Variants in MAST4 observed in about 807,000 individuals in gnomAD.
The protein encoded by MAST4 is microtubule associated serine/threonine kinase family member 4.
A neutral mutation model predicts 162.7 loss-of-function variants in MAST4; 89 were observed. That is an observed-to-expected ratio of 0.55 (90% confidence interval 0.46 to 0.65). MAST4 has a LOEUF of 0.65. MAST4 is among the 30% of genes least tolerant of loss of function. The probability of loss-of-function intolerance (pLI) is 0.00; values close to 1 mark genes in which losing one functional copy is unlikely to be tolerated. For missense variants in MAST4, 3,153 were observed against 3,374.0 expected (o/e 0.93, Z 1.62); for synonymous variants, 1,479 against 1,361.1 (o/e 1.09, Z -1.91).
intron 4 of MAST4, among the ~76,000 whole-genome samples, chr5:66,904,872 G>C (rs1000950022): frequency 6.6e-6 from 1 of 151,996 alleles, no homozygotes; most frequent in South Asian, 2.1e-4. Flanking sequence ...TGACACCCAG[G>C]TAGTGAGTGA....
chr5:66,614,489 G>A (rs1044166737), intron 1 of MAST4, among the ~76,000 whole-genome samples: 9 of 152,104 alleles, frequency 5.9e-5, no homozygotes, highest in Admixed American at 3.9e-4. Flanking sequence ...GGAGTTTATT[G>A]GCCCTTATTG....
chr5:67,079,923 C>T (rs1762406161), intron 5 of MAST4, among the ~76,000 whole-genome samples: 1 of 152,182 alleles, frequency 6.6e-6, no homozygotes, highest in South Asian at 2.1e-4. Flanking sequence ...CTGATTCAGC[C>T]TTCTTTCTGC....
chr5:66,679,197 G>C (rs993656259), intron 1 of MAST4, among the ~76,000 whole-genome samples: 1 of 152,226 alleles, frequency 6.6e-6, no homozygotes, highest in African/African-American at 2.4e-5. Context: ...TGTGAGCCTG[G>C]AGGCAGAGGG....
intron 1 of MAST4, among the ~76,000 whole-genome samples, chr5:66,650,367 C>T (rs765812884): frequency 7.2e-5 from 11 of 152,074 alleles, no homozygotes; most frequent in Non-Finnish European, 1.6e-4. Flanking sequence ...AAGATACAGC[C>T]TGATTTGTAG....
At chr5:66,609,412 G>A (rs1259090063) in intron 1 of MAST4, among the ~76,000 whole-genome samples, 5 of 108,918 alleles carry the variant, frequency 4.6e-5, no homozygotes, top group African/African-American at 1.6e-4. Context: ...TTTTTTTTGA[G>A]ACAGCCTGGC....
At chr5:66,758,901 C>T (rs1044848541) in intron 1 of MAST4, among the ~76,000 whole-genome samples, 1 of 151,818 alleles carries the variant, frequency 6.6e-6, no homozygotes, top group Non-Finnish European at 1.5e-5. Context: ...AATTTTTGTC[C>T]TTTGCAGCTG....
At chr5:66,751,732 C>T (rs1180099296) in intron 1 of MAST4, among the ~76,000 whole-genome samples, 2 of 150,658 alleles carry the variant, frequency 1.3e-5, no homozygotes, top group Admixed American at 6.6e-5. Flanking sequence ...AGGATATTAT[C>T]CAGGAGAACT....
chr5:67,008,645 A>G (rs570916113), intron 4 of MAST4, among the ~76,000 whole-genome samples: 2 of 152,366 alleles, frequency 1.3e-5, no homozygotes, highest in African/African-American at 4.8e-5. Context: ...GCCTAAATCA[A>G]TAAAACCATT....
rs548769801 is a variant in MAST4, at chr5:67,022,272, C to T, written c.675-32132C>T. Among the ~76,000 whole-genome samples the T allele has an allele frequency of 1.1e-4, 17 of 152,224 alleles. No homozygotes were observed. The East Asian group carries it at 2.7e-3, about 24-fold the overall frequency. Reference sequence around the variant, plus strand: ...AATAGAGATTTCTATGCCAAAGTGACGTGAACATGTTTATGAATCTTAATA... The same window carrying T: ...AATAGAGATTTCTATGCCAAAGTGATGTGAACATGTTTATGAATCTTAATA... On this transcript the variant is annotated intron_variant, in intron 4 of 28. Coordinates refer to ENST00000403625, the MANE Select transcript of MAST4 (RefSeq NM_001164664.2).
In MAST4 at chr5:66,752,791, G is replaced by A. The variant is rs867389904; in HGVS notation, c.364-6918G>A. 9.6e-3 allele frequency among the ~76,000 whole-genome samples: 1,439 copies of A among 149,800 alleles called. 10 individuals carry two copies. The highest frequency in any genetic ancestry group is 0.021 in the African/African-American group (873 of 40,822). ...AATTGAACTCAGCTCTGCACCAAGC[G>A]GACCTAATAGACATCTACAGAACTC... On this transcript the variant is annotated intron_variant, in intron 1 of 28. Transcript: ENST00000403625.
intron 1 of MAST4, among the ~76,000 whole-genome samples, chr5:66,604,848 T>G (rs1479828922): frequency 6.6e-6 from 1 of 152,206 alleles, no homozygotes; most frequent in East Asian, 1.9e-4. Flanking sequence ...GCCTCATCAG[T>G]GGTAGGGAAA....
intron 14 of MAST4, among the ~76,000 whole-genome samples, chr5:67,128,307 G>A (rs1169076743): frequency 6.6e-6 from 1 of 152,166 alleles, no homozygotes; most frequent in Non-Finnish European, 1.5e-5. Context: ...ATCCTGAAGA[G>A]TACCACCAGT....
At chr5:67,054,513 G>C (rs778583036) in intron 5 of MAST4, 21 bp downstream of exon 5, 4 of 1,575,466 alleles carry the variant, frequency 2.5e-6, no homozygotes, top group Non-Finnish European at 3.4e-6. Context: ...ACCATTTCTT[G>C]AGTTTTGTTT....
At chr5:66,927,768 A>T (rs1765013888) in intron 4 of MAST4, among the ~76,000 whole-genome samples, 1 of 152,204 alleles carries the variant, frequency 6.6e-6, no homozygotes, top group South Asian at 2.1e-4. Context: ...AAAGTATCAC[A>T]TATCAGGTGG....
At chr5:66,790,093 A>G (rs927060205) in intron 3 of MAST4, among the ~76,000 whole-genome samples, 1 of 135,320 alleles carries the variant, frequency 7.4e-6, no homozygotes, top group African/African-American at 2.8e-5. Context: ...CATGGGTGGT[A>G]GGGTTGTATG....
At chr5:67,059,988 T>C (rs754116659) in intron 5 of MAST4, among the ~76,000 whole-genome samples, 3 of 152,126 alleles carry the variant, frequency 2.0e-5, no homozygotes, top group Non-Finnish European at 4.4e-5. Context: ...CTTCATTATC[T>C]CCTCTGCCTC....
At chr5:67,145,106 A>AG (rs1561161797) in intron 22 of MAST4, 38 bp from the exon 23 acceptor site, 1 of 1,490,176 alleles carries the variant, frequency 6.7e-7, no homozygotes, top group African/African-American at 1.4e-5. Flanking sequence ...ACAGTTTTCT[A>AG]GTATGTATAT....
Position 66,614,277 on chromosome 5 carries a change from CTG to C in MAST4, c.363+17261_363+17262del, listed in dbSNP as rs140746193. On this transcript the variant is annotated intron_variant, in intron 1 of 28. Coordinates refer to ENST00000403625, the MANE Select transcript of MAST4 (RefSeq NM_001164664.2). ...CCAGTTCCACTACTTCAAAGATTCT[CTG>C]TCTCAGTTATTTTTATTATAACCAC... Among the ~76,000 whole-genome samples the C allele has an allele frequency of 7.1e-3, 1,084 of 152,348 alleles. 7 individuals carry two copies. Among genetic ancestry groups the C allele is most frequent in the Non-Finnish European group, 0.011 (728 of 68,030 alleles).
intron 1 of MAST4, among the ~76,000 whole-genome samples, chr5:66,702,801 A>T (rs1024284421): frequency 2.6e-5 from 4 of 152,156 alleles, no homozygotes; most frequent in African/African-American, 4.8e-5. Flanking sequence ...TTTTGTACTG[A>T]GTGGATGCAA....
Sources: gnomAD v4.1 joint callset for allele counts (sites outside exome capture counted in the v4.1 genomes callset) on GRCh38, gnomAD v4.1.1 for gene constraint, MANE v1.5 for transcripts, NCBI Gene and HGNC (gene_info 2026-07-23, HGNC 2026-07-21) for gene names.